Variants in NKAIN3 observed in about 807,000 individuals in gnomAD.
NKAIN3 encodes sodium/potassium transporting ATPase interacting 3, also known as sodium/potassium-transporting ATPase subunit beta-1-interacting protein 3.
A neutral mutation model predicts 30.2 loss-of-function variants in NKAIN3; 25 were observed. That is an observed-to-expected ratio of 0.83 (90% CI 0.60 to 1.16). The LOEUF is 1.16. NKAIN3 is among the 50% of genes most tolerant of loss of function. The pLI, the probability that NKAIN3 is intolerant of heterozygous loss-of-function variation, is 0.00. For missense variants in NKAIN3, 225 were observed against 254.1 expected, an observed-to-expected ratio of 0.89 and a Z score of 0.78; for synonymous variants, 91 against 89.6, an observed-to-expected ratio of 1.02 and a Z score of -0.09.
intron 1 of NKAIN3, among the ~76,000 whole-genome samples, chr8:62,508,744 A>G (rs527377643): frequency 2.0e-5 from 3 of 152,330 alleles, no homozygotes; most frequent in African/African-American, 4.8e-5. Context: ...TTCTTTCAGA[A>G]TGGTGATAAT....
intron 3 of NKAIN3, among the ~76,000 whole-genome samples, chr8:62,696,717 T>C (rs2130456938): frequency 6.6e-6 from 1 of 152,200 alleles, no homozygotes; most frequent in Non-Finnish European, 1.5e-5. Context: ...ATAATTCTAA[T>C]TTGATGTGAG....
intron 1 of NKAIN3, among the ~76,000 whole-genome samples, chr8:62,447,766 A>G (rs1456900845): frequency 6.6e-6 from 1 of 152,030 alleles, no homozygotes; most frequent in Non-Finnish European, 1.5e-5. Context: ...CCTTCCTTGG[A>G]TATCCAAAGT....
chr8:62,271,986 G>A (rs1812791781), intron 1 of NKAIN3, among the ~76,000 whole-genome samples: 1 of 152,134 alleles, frequency 6.6e-6, no homozygotes, highest in African/African-American at 2.4e-5. Context: ...TATTATAGAG[G>A]CAGTAACGTT....
At chr8:62,294,505 C>T (rs529194982) in intron 1 of NKAIN3, among the ~76,000 whole-genome samples, 1 of 152,204 alleles carries the variant, frequency 6.6e-6, no homozygotes, top group Admixed American at 6.5e-5. Context: ...ATTGAACACC[C>T]TGCTCCATAG....
chr8:62,721,747 C>T (rs1815099084), intron 3 of NKAIN3, among the ~76,000 whole-genome samples: 1 of 152,118 alleles, frequency 6.6e-6, no homozygotes, highest in Admixed American at 6.5e-5. Context: ...AAGATTATTA[C>T]ATTCATAAGG....
At chr8:62,487,135 G>T (rs35115711) in intron 1 of NKAIN3, among the ~76,000 whole-genome samples, 15,280 of 152,196 alleles carry the variant, frequency 0.1, 828 homozygotes, top group East Asian at 0.13. Context: ...ATATCACAAA[G>T]GTGCTAATTT....
intron 1 of NKAIN3, among the ~76,000 whole-genome samples, chr8:62,290,127 T>C (rs2129400459): frequency 6.6e-6 from 1 of 152,300 alleles, no homozygotes; most frequent in Non-Finnish European, 1.5e-5. Context: ...GCTTATCAGC[T>C]TAAGGAGATT....
At chr8:62,341,252 A>G (rs1815735969) in intron 1 of NKAIN3, among the ~76,000 whole-genome samples, 1 of 152,008 alleles carries the variant, frequency 6.6e-6, no homozygotes, top group Admixed American at 6.6e-5. Context: ...CCTTTCTCTT[A>G]CTTAAAGCAT....
chr8:62,306,755 A>G (rs1041604613), intron 1 of NKAIN3, among the ~76,000 whole-genome samples: 1 of 150,006 alleles, frequency 6.7e-6, no homozygotes, highest in African/African-American at 2.5e-5. Context: ...CATGTTCAGG[A>G]TGAATGACCA....
In NKAIN3 at chr8:62,350,793, C is replaced by T. The variant is rs149045330; in HGVS notation, c.54+101666C>T. ...GCAACCTCTGCCTCCCGGGTTCAAGCGATTCTCATGCCTCAGCTTCCAGAG... is the reference window on the plus strand; with the variant it reads ...GCAACCTCTGCCTCCCGGGTTCAAGTGATTCTCATGCCTCAGCTTCCAGAG... On this transcript the variant is annotated intron_variant, in intron 1 of 6. Transcript: ENST00000623646. 8.8e-3 allele frequency among the ~76,000 whole-genome samples: 1,338 copies of T among 152,068 alleles called. 24 individuals carry two copies. The highest frequency in any genetic ancestry group is 0.031 in the African/African-American group (1,278 of 41,492).
intron 1 of NKAIN3, among the ~76,000 whole-genome samples, chr8:62,420,385 T>C (rs775420993): frequency 2.6e-5 from 4 of 152,176 alleles, no homozygotes; most frequent in Non-Finnish European, 4.4e-5. Flanking sequence ...TCAATTAGTA[T>C]TCCACAGCCA....
intron 3 of NKAIN3, among the ~76,000 whole-genome samples, chr8:62,672,812 G>A (rs887799578): frequency 2.0e-5 from 3 of 152,014 alleles, no homozygotes; most frequent in Admixed American, 1.3e-4. Context: ...CATAGTATGT[G>A]TCCATTTAAA....
At chr8:62,822,926 C>T (rs762069203) in intron 4 of NKAIN3, among the ~76,000 whole-genome samples, 3 of 152,142 alleles carry the variant, frequency 2.0e-5, no homozygotes, top group Non-Finnish European at 4.4e-5. Flanking sequence ...ACCTGTACAG[C>T]ATGTTATTGT....
intron 1 of NKAIN3, among the ~76,000 whole-genome samples, chr8:62,341,885 T>C (rs921123721): frequency 1.3e-5 from 2 of 152,076 alleles, no homozygotes; most frequent in Non-Finnish European, 2.9e-5. Context: ...TTTTACTCTA[T>C]GCTGTTTCTT....
intron 1 of NKAIN3, among the ~76,000 whole-genome samples, chr8:62,448,058 T>C (rs1235432849): frequency 2.0e-5 from 3 of 151,954 alleles, no homozygotes; most frequent in Non-Finnish European, 4.4e-5. Context: ...TGGATTTAAG[T>C]AGCCATTCAG....
At chr8:62,437,977 TTC>T (rs1278847183) in intron 1 of NKAIN3, among the ~76,000 whole-genome samples, 16 of 152,242 alleles carry the variant, frequency 1.1e-4, no homozygotes, top group African/African-American at 3.9e-4. Context: ...CTGTGTGTTA[TTC>T]TTACTTTCCC....
At chr8:62,865,793 C>T (rs750100463) in intron 4 of NKAIN3, among the ~76,000 whole-genome samples, 4 of 152,132 alleles carry the variant, frequency 2.6e-5, no homozygotes, top group Admixed American at 6.6e-5. Context: ...TGTATGTAAA[C>T]ACACACTGTA....
At position 62,983,472 on chromosome 8, in the gene NKAIN3, C is replaced by T. The variant is rs559748903; in HGVS notation, c.*18065C>T. On this transcript the variant is annotated 3_prime_UTR_variant, in exon 7 of 7. Coordinates refer to ENST00000623646, the MANE Select transcript of NKAIN3 (RefSeq NM_001304533.3). ...TAAGCATTCAACAAACACTTAGTGA[C>T]CATCTGTCTTGTGCAAAAAGCTTGG... is the stretch of plus-strand genomic sequence containing the variant. 1 of 152,180 alleles carries T rather than the reference C, an allele frequency of 6.6e-6. No individual in the cohort carries two copies. The highest frequency in any genetic ancestry group is 2.4e-5 in the African/African-American group (1 of 41,434). The allele number at this position is 152,180 out of a possible 1,614,324, so 9.4% of individuals were successfully genotyped here. A position where few individuals can be genotyped will look rare whatever the true frequency, so the allele number is the denominator to read the frequency against.
rs1321972498 is a variant in NKAIN3, at chr8:62,249,405, AG to A, written c.54+282del. 2.0e-5 allele frequency among the ~76,000 whole-genome samples: 3 copies of A among 152,312 alleles called. No homozygotes were observed. The East Asian group carries it at 5.8e-4, about 30-fold the overall frequency. ...CCCGCCGGGCGTCGCCACGCGGTCC[AG>A]GGGCCAGGAGCCGGCGGAGTGAGGG... is the stretch of plus-strand genomic sequence containing the variant. On this transcript the variant is annotated intron_variant, in intron 1 of 6. Coordinates refer to ENST00000623646, the MANE Select transcript of NKAIN3 (RefSeq NM_001304533.3).
Sources: allele counts gnomAD v4.1 joint callset (sites outside exome capture counted in the v4.1 genomes callset), GRCh38; gene constraint gnomAD v4.1.1; transcripts MANE v1.5; gene names NCBI Gene and HGNC (gene_info 2026-07-23, HGNC 2026-07-21).